ERC1: variants seen among roughly 807,000 people sequenced by gnomAD.
ERC1 encodes RAB6 interacting protein 2.
ERC1 carries 56 observed loss-of-function variants against 132.0 expected under a neutral mutation model. That is an observed-to-expected ratio of 0.42 (90% CI 0.34 to 0.53). ERC1 has a LOEUF of 0.53. ERC1 is among the 20% of genes least tolerant of loss of function. The probability of loss-of-function intolerance (pLI) is 0.03; values close to 1 mark genes in which losing one functional copy is unlikely to be tolerated. For synonymous variants in ERC1, 478 were observed against 476.1 expected (o/e 1.00, Z -0.05); for missense variants, 1,202 against 1,349.9 (o/e 0.89, Z 1.72).
intron 14 of ERC1, among the ~76,000 whole-genome samples, chr12:1,285,025 A>G (rs766088182): frequency 6.6e-6 from 1 of 152,190 alleles, no homozygotes; most frequent in Non-Finnish European, 1.5e-5. Flanking sequence ...CTTTTGAGAA[A>G]TGTCTATAGA....
intron 15 of ERC1, among the ~76,000 whole-genome samples, chr12:1,354,056 T>TA (rs2085289395): frequency 6.6e-6 from 1 of 150,608 alleles, no homozygotes; most frequent in Admixed American, 6.6e-5. Context: ...CCCCGCCTCT[T>TA]ATCTTGGTGG....
chr12:1,072,467 T>A (rs1465900641), intron 2 of ERC1, among the ~76,000 whole-genome samples: 1 of 124,856 alleles, frequency 8.0e-6, no homozygotes, highest in East Asian at 2.2e-4. Flanking sequence ...CTTCATTAAT[T>A]TTCTTGAGGA....
At chr12:1,415,320 T>C (rs1277950201) in intron 17 of ERC1, among the ~76,000 whole-genome samples, 1 of 152,226 alleles carries the variant, frequency 6.6e-6, no homozygotes. Flanking sequence ...GGTCTTGGTA[T>C]AAGAACATGC....
chr12:1,275,583 A>G (rs2078207497), intron 14 of ERC1, among the ~76,000 whole-genome samples: 1 of 152,172 alleles, frequency 6.6e-6, no homozygotes, highest in Non-Finnish European at 1.5e-5. Flanking sequence ...GGAGAGGTCT[A>G]TTTGGAGATA....
chr12:1,386,321 A>T (rs143158054), intron 16 of ERC1, among the ~76,000 whole-genome samples: 20 of 151,358 alleles, frequency 1.3e-4, no homozygotes, highest in African/African-American at 4.4e-4. Context: ...ACAGGCGCAA[A>T]CCACTGTGCC....
intron 15 of ERC1, among the ~76,000 whole-genome samples, chr12:1,335,515 A>G (rs375282160): frequency 6.6e-6 from 1 of 151,982 alleles, no homozygotes; most frequent in Non-Finnish European, 1.5e-5. Context: ...AGTTCTGTTT[A>G]TGTGCTGAAT....
intron 16 of ERC1, among the ~76,000 whole-genome samples, chr12:1,405,340 A>C (rs954519560): frequency 6.6e-6 from 1 of 151,626 alleles, no homozygotes; most frequent in African/African-American, 2.4e-5. Flanking sequence ...AATTGACTTT[A>C]AAATGTGCTT....
rs147838614 is a variant in ERC1, at chr12:1,136,666, A to G, written c.1570-4954A>G. ...TTTAAGCCTCTTATTTTAGCAGGCAAGGATTTATGATCTACTATCTTTTCA... is the reference window on the plus strand; with the variant it reads ...TTTAAGCCTCTTATTTTAGCAGGCAGGGATTTATGATCTACTATCTTTTCA... On this transcript the variant is annotated intron_variant, in intron 7 of 18. Transcript: ENST00000360905. Among the ~76,000 whole-genome samples, 42 of 152,318 alleles carry G rather than the reference A, an allele frequency of 2.8e-4. 1 individual carries two copies. The highest frequency in any genetic ancestry group is 9.6e-4 in the African/African-American group (40 of 41,578).
chr12:1,192,202 T>TAAAGTAGA (rs1353237773), intron 12 of ERC1, among the ~76,000 whole-genome samples: 1 of 152,230 alleles, frequency 6.6e-6, no homozygotes, highest in African/African-American at 2.4e-5. Flanking sequence ...GGACCCAATG[T>TAAAGTAGA]CTTAAGTAGA....
chr12:1,232,772 G>T (rs2075139548), intron 12 of ERC1, among the ~76,000 whole-genome samples: 1 of 151,450 alleles, frequency 6.6e-6, no homozygotes, highest in Non-Finnish European at 1.5e-5. Flanking sequence ...GCTTCTTTAG[G>T]ATGATTATCT....
intron 15 of ERC1, among the ~76,000 whole-genome samples, chr12:1,340,627 C>T (rs2083745853): frequency 6.6e-6 from 1 of 152,140 alleles, no homozygotes; most frequent in Non-Finnish European, 1.5e-5. Flanking sequence ...TCCCAGCATC[C>T]TCCCCTTTCA....
intron 15 of ERC1, among the ~76,000 whole-genome samples, chr12:1,368,165 A>G (rs141283837): frequency 8.5e-5 from 13 of 152,128 alleles, no homozygotes; most frequent in Admixed American, 1.3e-4. Context: ...TTCTGTGGAT[A>G]GTCTTTAGTT....
chr12:1,357,216 A>G (rs1206880471), intron 15 of ERC1, among the ~76,000 whole-genome samples: 3 of 152,130 alleles, frequency 2.0e-5, no homozygotes, highest in Non-Finnish European at 2.9e-5. Context: ...ACACAGTTGG[A>G]TCTTGATTTT....
intron 15 of ERC1, among the ~76,000 whole-genome samples, chr12:1,321,569 C>T (rs1199548901): frequency 2.0e-5 from 3 of 152,152 alleles, no homozygotes; most frequent in African/African-American, 7.2e-5. Flanking sequence ...AACTCGAGAC[C>T]TCTAAAGCTT....
chr12:1,415,122 C>G (rs923584801), intron 17 of ERC1, among the ~76,000 whole-genome samples: 3 of 152,222 alleles, frequency 2.0e-5, no homozygotes, highest in African/African-American at 7.2e-5. Context: ...GAATGTAATT[C>G]TGAAATCTTT....
intron 12 of ERC1, chr12:1,204,525 G>A: frequency 6.3e-7 from 1 of 1,589,318 alleles, no homozygotes; most frequent in Non-Finnish European, 8.5e-7. Context: ...CAGTATGCTT[G>A]CACTAAAACA....
intron 12 of ERC1, among the ~76,000 whole-genome samples, chr12:1,224,995 G>A (rs568755500): frequency 6.6e-6 from 1 of 151,652 alleles, no homozygotes; most frequent in African/African-American, 2.4e-5. Context: ...AAGAAAGAAA[G>A]AAAAGAAAAG....
At chr12:1,256,953 A>G (rs1379990293) in intron 13 of ERC1, among the ~76,000 whole-genome samples, 3 of 150,704 alleles carry the variant, frequency 2.0e-5, no homozygotes, top group East Asian at 3.9e-4. Context: ...TATAATACCC[A>G]TCCTTCAGTT....
At chr12:1,075,997 A>C (rs12812586) in intron 2 of ERC1, among the ~76,000 whole-genome samples, 34,562 of 152,160 alleles carry the variant, frequency 0.23, 4,347 homozygotes, top group Middle Eastern at 0.28. Flanking sequence ...AAGTTTTATG[A>C]GTTTAGCTCA....
Sources: gnomAD v4.1 joint callset for allele counts (sites outside exome capture counted in the v4.1 genomes callset) on GRCh38, gnomAD v4.1.1 for gene constraint, MANE v1.5 for transcripts, NCBI Gene and HGNC (gene_info 2026-07-23, HGNC 2026-07-21) for gene names.